MTHFD2L: variants seen among roughly 807,000 people sequenced by gnomAD.
MTHFD2L encodes bifunctional methylenetetrahydrofolate dehydrogenase/cyclohydrolase 2, mitochondrial.
A neutral mutation model predicts 34.9 loss-of-function variants in MTHFD2L; 29 were observed. The observed-to-expected ratio is 0.83, with a 90% CI of 0.62 to 1.13. The LOEUF is 1.13. MTHFD2L is among the 50% of genes most tolerant of loss of function. The probability of loss-of-function intolerance (pLI) is 0.00; values close to 1 mark genes in which losing one functional copy is unlikely to be tolerated. For synonymous variants in MTHFD2L, 167 were observed against 155.7 expected (o/e 1.07, Z -0.54); for missense variants, 481 against 446.5 (o/e 1.08, Z -0.70).
chr4:74,189,485 C>CTTTTTTTTTTT (rs55665552), intron 3 of MTHFD2L, among the ~76,000 whole-genome samples: 7 of 119,788 alleles, frequency 5.8e-5, no homozygotes, highest in South Asian at 5.5e-4. Flanking sequence ...GTTTTTCTTC[C>CTTTTTTTTTTT]TTTTTTTTTT....
chr4:74,125,511 G>A (rs1560400020), exon 1 of MTHFD2L: 1 of 152,170 alleles, frequency 6.6e-6, no homozygotes, highest in Non-Finnish European at 1.5e-5. Flanking sequence ...CAGATAGTCT[G>A]AAGGAGGTGA....
intron 6 of MTHFD2L, among the ~76,000 whole-genome samples, chr4:74,277,130 A>G (rs1027336153): frequency 2.0e-5 from 3 of 150,270 alleles, no homozygotes; most frequent in Admixed American, 6.7e-5. Context: ...GAGACAGAAC[A>G]CTCACACAAA....
At chr4:74,193,355 T>C (rs977759277) in intron 3 of MTHFD2L, among the ~76,000 whole-genome samples, 1 of 152,206 alleles carries the variant, frequency 6.6e-6, no homozygotes, top group Non-Finnish European at 1.5e-5. Flanking sequence ...TAGATTACTG[T>C]AGCTTTGTAG....
At chr4:74,193,192 C>T (rs1255484416) in intron 3 of MTHFD2L, among the ~76,000 whole-genome samples, 1 of 152,108 alleles carries the variant, frequency 6.6e-6, no homozygotes, top group Non-Finnish European at 1.5e-5. Context: ...CCTAGCTGTT[C>T]AAGTACTATT....
At chr4:74,281,277 A>G in intron 6 of MTHFD2L, 148 bp from the exon 7 acceptor site, 1 of 749,086 alleles carries the variant, frequency 1.3e-6, no homozygotes. Flanking sequence ...CTCTCGGATC[A>G]GAAATCATCA....
chr4:74,135,489 A>C (rs1722839857), intron 1 of MTHFD2L, among the ~76,000 whole-genome samples: 1 of 152,162 alleles, frequency 6.6e-6, no homozygotes, highest in South Asian at 2.1e-4. Context: ...ATAATGAGTT[A>C]TGAAATCAAA....
At chr4:74,167,992 A>G (rs368619752) in intron 1 of MTHFD2L, among the ~76,000 whole-genome samples, 2 of 151,938 alleles carry the variant, frequency 1.3e-5, no homozygotes, top group East Asian at 1.9e-4. Flanking sequence ...ACTACTTAGC[A>G]CCTCCATGGC....
At chr4:74,264,177 C>T (rs1745019832) in intron 6 of MTHFD2L, among the ~76,000 whole-genome samples, 1 of 151,968 alleles carries the variant, frequency 6.6e-6, no homozygotes. Flanking sequence ...CCACATCTAT[C>T]AGCATTGTAT....
chr4:74,295,420 T>A (rs1323000248), intron 7 of MTHFD2L, among the ~76,000 whole-genome samples: 1 of 152,152 alleles, frequency 6.6e-6, no homozygotes, highest in Non-Finnish European at 1.5e-5. Context: ...ATATCGGATT[T>A]ATGTTTTCTC....
chr4:74,292,046 C>T (rs1749029291), intron 7 of MTHFD2L, among the ~76,000 whole-genome samples: 1 of 152,164 alleles, frequency 6.6e-6, no homozygotes, highest in South Asian at 2.1e-4. Context: ...ATAAAAGCCC[C>T]TCTGTGAGAC....
intron 6 of MTHFD2L, among the ~76,000 whole-genome samples, chr4:74,226,292 C>A (rs1001805919): frequency 6.6e-6 from 1 of 151,994 alleles, no homozygotes; most frequent in Non-Finnish European, 1.5e-5. Context: ...AGCATATGTT[C>A]TTTGGGGAAG....
At chr4:74,243,531 T>G (rs1201772945) in intron 6 of MTHFD2L, among the ~76,000 whole-genome samples, 2 of 152,214 alleles carry the variant, frequency 1.3e-5, no homozygotes, top group Non-Finnish European at 2.9e-5. Context: ...TTTGATATTT[T>G]GTTGTTTTAT....
chr4:74,172,524 G>T lies in MTHFD2L; in HGVS notation c.144-1982G>T, dbSNP rs72854864. Among the ~76,000 whole-genome samples, 413 of 152,200 alleles carry T rather than the reference G, an allele frequency of 2.7e-3. 3 individuals are homozygous for T. The highest frequency in any genetic ancestry group is 9.2e-3 in the African/African-American group (384 of 41,538). ...TGTGATTGTATTGTCTAACCAATTT[G>T]CTCAGTTATTTACTCATAAATTATG... On this transcript the variant is annotated intron_variant, in intron 1 of 7. Coordinates refer to ENST00000325278, the MANE Select transcript of MTHFD2L (RefSeq NM_001144978.3).
intron 1 of MTHFD2L, among the ~76,000 whole-genome samples, chr4:74,130,885 C>T (rs1408774613): frequency 6.6e-6 from 1 of 152,158 alleles, no homozygotes; most frequent in African/African-American, 2.4e-5. Flanking sequence ...GCAACTTCAG[C>T]AAAGTCTCAG....
intron 5 of MTHFD2L, among the ~76,000 whole-genome samples, chr4:74,221,379 T>G: frequency 6.6e-6 from 1 of 151,798 alleles, no homozygotes; most frequent in East Asian, 1.9e-4. Flanking sequence ...AAAAATAAAT[T>G]AAACAAATAC....
At chr4:74,238,559 A>G (rs1741188510) in intron 6 of MTHFD2L, among the ~76,000 whole-genome samples, 1 of 152,192 alleles carries the variant, frequency 6.6e-6, no homozygotes, top group Non-Finnish European at 1.5e-5. Context: ...CAGGCAACCT[A>G]CAGAATGGGA....
chr4:74,287,171 C>G (rs1748287723), intron 7 of MTHFD2L, among the ~76,000 whole-genome samples: 1 of 152,120 alleles, frequency 6.6e-6, no homozygotes, highest in South Asian at 2.1e-4. Flanking sequence ...GCGCAACTGA[C>G]ATTATCATTG....
chr4:74,160,104 C>A (rs745959449), intron 1 of MTHFD2L: 54 of 1,288,910 alleles, frequency 4.2e-5, no homozygotes, highest in Admixed American at 4.1e-4. Context: ...CACTGTCTGC[C>A]TCCCCACTTG....
chr4:74,302,339 T>C lies in MTHFD2L; in HGVS notation c.*530T>C, dbSNP rs1750420580. Reference sequence around the variant, plus strand: ...GAAAATAAAATCTTGATCTCAACTATCCCCCAAATGCATCCTATAAGTCCA... The same window carrying C: ...GAAAATAAAATCTTGATCTCAACTACCCCCCAAATGCATCCTATAAGTCCA... On this transcript the variant is annotated 3_prime_UTR_variant, in exon 8 of 8. Coordinates refer to ENST00000325278, the MANE Select transcript of MTHFD2L (RefSeq NM_001144978.3). 6.6e-6 allele frequency: 1 copy of C among 151,998 alleles called. No individual in the cohort carries two copies. Among genetic ancestry groups the C allele is most frequent in the Non-Finnish European group, 1.5e-5 (1 of 67,982 alleles). 9.4% of individuals were successfully genotyped at this position (151,998 alleles called of 1,614,324 possible).
Sources: allele counts gnomAD v4.1 joint callset (sites outside exome capture counted in the v4.1 genomes callset), GRCh38; gene constraint gnomAD v4.1.1; transcripts MANE v1.5; gene names NCBI Gene and HGNC (gene_info 2026-07-23, HGNC 2026-07-21).